TMEM114: variants seen among roughly 807,000 people sequenced by gnomAD.
TMEM114 encodes transmembrane protein 114, also known as claudin-26.
In TMEM114, 6 loss-of-function variants were observed where a neutral mutation model predicts 6.2. The ratio of observed to expected loss-of-function variants is 0.97; its 90% CI spans 0.53 to 1.91. The LOEUF (loss-of-function observed/expected upper bound fraction) is 1.91, where lower values mean the gene tolerates loss of function less well. TMEM114 is among the 40% of genes most tolerant of loss of function. The probability of loss-of-function intolerance (pLI) is 0.01; values close to 1 mark genes in which losing one functional copy is unlikely to be tolerated. For synonymous variants in TMEM114, 104 were observed against 73.0 expected, an observed-to-expected ratio of 1.42 and a Z score of -2.16; for missense variants, 218 against 158.3, an observed-to-expected ratio of 1.38 and a Z score of -2.02.
At chr16:8,571,087 G>C (rs4984993) in intron 3 of TMEM114, among the ~76,000 whole-genome samples, 13,727 of 150,224 alleles carry the variant, frequency 0.091, 765 homozygotes, top group Middle Eastern at 0.19. Flanking sequence ...TTTTTCCTCT[G>C]TGGATTCCAA....
downstream of TMEM114, among the ~76,000 whole-genome samples, chr16:8,535,596 A>C (rs58426794): frequency 4.0e-3 from 605 of 152,334 alleles, 5 homozygotes; most frequent in African/African-American, 0.014. Flanking sequence ...AATAAATGAA[A>C]TATATCATTT....
chr16:8,563,969 A>G (rs1183309097), intron 2 of TMEM114, among the ~76,000 whole-genome samples: 19 of 128,046 alleles, frequency 1.5e-4, no homozygotes, highest in South Asian at 8.9e-4. Flanking sequence ...GAATGAGTGA[A>G]TGAGTGAGTG....
At chr16:8,582,058 T>C (rs534611872) in intron 2 of TMEM114, among the ~76,000 whole-genome samples, 1 of 152,326 alleles carries the variant, frequency 6.6e-6, no homozygotes, top group African/African-American at 2.4e-5. Flanking sequence ...GTTTTAATTG[T>C]CCATGTCACT....
chr16:8,560,948 C>T (rs114536595), intron 2 of TMEM114, among the ~76,000 whole-genome samples: 42 of 152,286 alleles, frequency 2.8e-4, no homozygotes, highest in African/African-American at 7.2e-4. Context: ...TGGCAGAAGG[C>T]AAAAGACACG....
intron 2 of TMEM114, among the ~76,000 whole-genome samples, chr16:8,556,617 C>G (rs1032510927): frequency 6.6e-6 from 1 of 151,964 alleles, no homozygotes; most frequent in Non-Finnish European, 1.5e-5. Context: ...TTCTCCTGCC[C>G]CAGCCTCCTG....
intron 2 of TMEM114, among the ~76,000 whole-genome samples, chr16:8,573,236 G>A (rs1226488615): frequency 6.6e-6 from 1 of 152,150 alleles, no homozygotes; most frequent in African/African-American, 2.4e-5. Flanking sequence ...CGTGATGTGT[G>A]TGATAACCAA....
chr16:8,568,967 C>G (rs1046645794), downstream of TMEM114, among the ~76,000 whole-genome samples: 5 of 152,236 alleles, frequency 3.3e-5, no homozygotes, highest in Non-Finnish European at 7.3e-5. Context: ...GGCCAGAAGC[C>G]TCGGCATCGC....
At chr16:8,533,471 T>C (rs1182812491), downstream of TMEM114, among the ~76,000 whole-genome samples, 1 of 152,208 alleles carries the variant, frequency 6.6e-6, no homozygotes, top group East Asian at 1.9e-4. Flanking sequence ...GTGGTTATGG[T>C]TCATGTCGGA....
intron 2 of TMEM114, among the ~76,000 whole-genome samples, chr16:8,556,692 G>A (rs2141664252): frequency 6.6e-6 from 1 of 152,188 alleles, no homozygotes; most frequent in East Asian, 1.9e-4. Context: ...TAGTAGAGAT[G>A]GGGTTTCACC....
chr16:8,562,740 C>T (rs28971104), intron 2 of TMEM114, among the ~76,000 whole-genome samples: 3,140 of 88,554 alleles, frequency 0.035, 178 homozygotes, highest in African/African-American at 0.13. Flanking sequence ...GAATGAGTGA[C>T]GGAGTAAATG....
At position 8,590,424 on chromosome 16, in the gene TMEM114, C is replaced by T. The variant is rs1902445298; in HGVS notation, c.-586G>A. Among the ~76,000 whole-genome samples, 1 of 152,206 alleles carries T rather than the reference C, an allele frequency of 6.6e-6. No homozygotes were observed. Among genetic ancestry groups the T allele is most frequent in the Non-Finnish European group, 1.5e-5 (1 of 68,040 alleles). Reference sequence around the variant, plus strand: ...TGCCAGATCCCCACTCCCAGCCCTGCTCTCCAGGGTCTTCCCGCAGCTCCT... The same window carrying T: ...TGCCAGATCCCCACTCCCAGCCCTGTTCTCCAGGGTCTTCCCGCAGCTCCT... On this transcript the variant is annotated 5_prime_UTR_variant, in exon 1 of 4. Transcript: ENST00000620492.
intron 2 of TMEM114, among the ~76,000 whole-genome samples, chr16:8,538,713 A>G (rs1010045753): frequency 2.6e-5 from 4 of 151,984 alleles, no homozygotes; most frequent in African/African-American, 9.7e-5. Flanking sequence ...TCACCCTGTT[A>G]GCCAGGATGG....
chr16:8,570,360 G>C (rs1054128466), intron 3 of TMEM114, among the ~76,000 whole-genome samples: 2 of 151,958 alleles, frequency 1.3e-5, no homozygotes, highest in East Asian at 1.9e-4. Flanking sequence ...CTGTCGCCCA[G>C]GCTGGAGTGC....
At chr16:8,545,852 T>A (rs1900650197) in intron 2 of TMEM114, among the ~76,000 whole-genome samples, 1 of 152,170 alleles carries the variant, frequency 6.6e-6, no homozygotes, top group African/African-American at 2.4e-5. Flanking sequence ...TGGTGGCTCA[T>A]GCCTGTAATC....
chr16:8,560,958 G>A (rs182231080), intron 2 of TMEM114, among the ~76,000 whole-genome samples: 21 of 152,326 alleles, frequency 1.4e-4, no homozygotes, highest in South Asian at 8.3e-4. Context: ...CAAAAGACAC[G>A]TCTTATATCA....
chr16:8,563,419 G>GAGTGAATGAGTGAGGCAATGAGTA (rs1901363055), intron 2 of TMEM114, among the ~76,000 whole-genome samples: 1 of 146,678 alleles, frequency 6.8e-6, no homozygotes, highest in African/African-American at 2.5e-5. Context: ...GTTAATTAGT[G>GAGTGAATGAGTGAGGCAATGAGTA]AGTGAATGAG....
chr16:8,569,790 G>A lies in TMEM114; in HGVS notation c.655C>T (p.Gln219Ter), dbSNP rs1188185225. 6.4e-7 allele frequency: 1 copy of A among 1,550,420 alleles called. No individual in the cohort carries two copies. The highest frequency in any genetic ancestry group is 2.4e-5 in the East Asian group (1 of 40,882). The change falls in exon 4 of 4, where the codon CAG (glutamine) becomes TAG (stop). Residue 219 changes from glutamine (Q) to a stop codon, truncating the protein, a stop_gained. Transcript: ENST00000620492. LOFTEE classifies it high-confidence loss of function. Reference protein sequence around the residue: ...AARELSLRRRQDQAI With the variant: ...AARELSLRRR ...GCCCAGGCTCATATGGCCTGGTCCT[G>A]CCTCCGTCTCAGGCTGAGCTCGCGG...
chr16:8,562,009 T>G (rs1036742606), intron 2 of TMEM114, among the ~76,000 whole-genome samples: 6 of 148,432 alleles, frequency 4.0e-5, no homozygotes, highest in African/African-American at 1.5e-4. Flanking sequence ...AGTAAATGAG[T>G]GACTGAATGT....
intron 2 of TMEM114, among the ~76,000 whole-genome samples, chr16:8,540,313 C>T (rs371243674): frequency 3.0e-4 from 45 of 152,266 alleles, no homozygotes; most frequent in African/African-American, 1.0e-3. Context: ...GGTAGGAGCT[C>T]TGGAGTCCAG....
Sources: allele counts gnomAD v4.1 joint callset (sites outside exome capture counted in the v4.1 genomes callset), GRCh38; gene constraint gnomAD v4.1.1; transcripts MANE v1.5; gene names NCBI Gene and HGNC (gene_info 2026-07-23, HGNC 2026-07-21).